Variants in MAL2 observed in about 807,000 individuals in gnomAD.
MAL2 encodes the protein protein MAL2.
Under a neutral mutation model 18.1 loss-of-function variants are expected in MAL2, and 17 were observed. The ratio of observed to expected loss-of-function variants is 0.94; its 90% confidence interval spans 0.64 to 1.41. The LOEUF is 1.41. Ranked by LOEUF, MAL2 falls within the 40% of genes most tolerant of loss-of-function variation. The pLI is 0.00. For missense variants in MAL2, 222 were observed against 231.9 expected (o/e 0.96, Z 0.28); for synonymous variants, 102 against 102.3 (o/e 1.00, Z 0.02).
intron 2 of MAL2, among the ~76,000 whole-genome samples, chr8:119,231,915 T>TA (rs1817738246): frequency 1.3e-5 from 2 of 152,002 alleles, no homozygotes; most frequent in South Asian, 4.1e-4. Flanking sequence ...GGGTATGGGG[T>TA]GATGGGGGAC....
At chr8:119,221,896 T>G (rs1817470990) in intron 2 of MAL2, 139 bp downstream of exon 2, 1 of 893,904 alleles carries the variant, frequency 1.1e-6, no homozygotes, top group East Asian at 2.6e-5. Context: ...GCTGTGGTGC[T>G]GCGGTGGTGT....
At chr8:119,236,952 C>T (rs1457765874) in intron 2 of MAL2, among the ~76,000 whole-genome samples, 1 of 150,280 alleles carries the variant, frequency 6.7e-6, no homozygotes, top group Non-Finnish European at 1.5e-5. Context: ...CAGAGCAGAA[C>T]TGAAGGAAAT....
chr8:119,233,393 T>C (rs1435483451), intron 2 of MAL2, among the ~76,000 whole-genome samples: 1 of 152,064 alleles, frequency 6.6e-6, no homozygotes, highest in Non-Finnish European at 1.5e-5. Context: ...CAGGAGCTGG[T>C]TTTTTGAAAG....
chr8:119,232,186 TAAA>T (rs995133827), intron 2 of MAL2, among the ~76,000 whole-genome samples: 2 of 152,074 alleles, frequency 1.3e-5, no homozygotes, highest in African/African-American at 4.8e-5. Flanking sequence ...TATAAATATT[TAAA>T]AACATGTACA....
Position 119,234,128 on chromosome 8 carries a change from G to A in MAL2, c.304-6037G>A, listed in dbSNP as rs562284380. Among the ~76,000 whole-genome samples the A allele has an allele frequency of 2.5e-4, 38 of 152,330 alleles. No individual in the cohort carries two copies. In the East Asian group the frequency reaches 2.7e-3, roughly 11 times the overall value. On this transcript the variant is annotated intron_variant, in intron 2 of 3. Coordinates refer to ENST00000614891, the MANE Select transcript of MAL2 (RefSeq NM_052886.3). The stretch of plus-strand genomic sequence containing the variant: ...CACCGTGCGCGAGCCGAAGCAGGGC[G>A]AGGCATTGCCTCACTTGGGAAGCGC...
intron 2 of MAL2, among the ~76,000 whole-genome samples, chr8:119,239,652 C>G (rs1181460285): frequency 1.3e-5 from 2 of 151,680 alleles, no homozygotes; most frequent in Admixed American, 6.6e-5. Flanking sequence ...TCATCATTCT[C>G]AGTAAACTAT....
At chr8:119,211,013 T>C (rs1217546621) in intron 1 of MAL2, among the ~76,000 whole-genome samples, 2 of 152,160 alleles carry the variant, frequency 1.3e-5, no homozygotes, top group Admixed American at 6.5e-5. Flanking sequence ...TTTAGAGATA[T>C]TGGTTTACAT....
intron 2 of MAL2, among the ~76,000 whole-genome samples, chr8:119,228,376 G>T (rs1020107180): frequency 2.0e-5 from 3 of 152,142 alleles, no homozygotes; most frequent in Admixed American, 2.0e-4. Context: ...ATTTCATCAG[G>T]TTATTAGAAG....
rs1165148696 is a variant in MAL2, at chr8:119,234,409, C to T, written c.304-5756C>T. 5.9e-5 allele frequency among the ~76,000 whole-genome samples: 9 copies of T among 152,316 alleles called. No individual in the cohort carries two copies. In the East Asian group the frequency reaches 9.7e-4, roughly 16 times the overall value. On this transcript the variant is annotated intron_variant, in intron 2 of 3. Coordinates refer to ENST00000614891, the MANE Select transcript of MAL2 (RefSeq NM_052886.3). ...GGGCGCCCGCCATTGCCCAGGCTTG[C>T]TTAGGTAAACAAAGCAGCCCGGAAG...
At chr8:119,213,373 T>C (rs61600037) in intron 1 of MAL2, among the ~76,000 whole-genome samples, 33,281 of 71,936 alleles carry the variant, frequency 0.46, 4,265 homozygotes, top group East Asian at 0.69. Context: ...ATAGAGTTTA[T>C]TGCCTGGAAA....
At chr8:119,229,987 C>T (rs1817682404) in intron 2 of MAL2, among the ~76,000 whole-genome samples, 1 of 152,172 alleles carries the variant, frequency 6.6e-6, no homozygotes, top group African/African-American at 2.4e-5. Context: ...CCCTTCCCAT[C>T]ACAAGGAGAC....
In MAL2 at chr8:119,208,429, G is replaced by GAGGCGGCGGCGGC. The variant is rs1400376256; in HGVS notation, c.-43_-31dup. ...GCAGGAGCCCGGGAGGCGGAGGCGG[G>GAGGCGGCGGCGGC]AGGCGGCGGCGGCGCGCGGAGACGC... On this transcript the variant is annotated 5_prime_UTR_variant, in exon 1 of 4. Coordinates refer to ENST00000614891, the MANE Select transcript of MAL2 (RefSeq NM_052886.3). This position sits in a 1 kb window ranked among gnomAD's most constrained non-coding sequence, Gnocchi z 4.3. 2.4e-5 allele frequency: 26 copies of GAGGCGGCGGCGGC among 1,094,684 alleles called. 1 individual carries two copies. In the East Asian group the frequency reaches 6.4e-4, roughly 27 times the overall value. The allele number at this position is 1,094,684 out of a possible 1,614,324, so 67.8% of individuals were successfully genotyped here.
chr8:119,208,648 C>T lies in MAL2; in HGVS notation c.132+44C>T. The T allele has an allele frequency of 7.9e-7, 1 of 1,268,842 alleles. No homozygotes were observed. The highest frequency in any genetic ancestry group is 9.9e-7 in the Non-Finnish European group (1 of 1,005,786). The allele number at this position is 1,268,842 out of a possible 1,614,324, so 78.6% of individuals were successfully genotyped here. On this transcript the variant is annotated intron_variant, in intron 1 of 3. Transcript: ENST00000614891. This position sits in a 1 kb window ranked among gnomAD's most constrained non-coding sequence, Gnocchi z 4.3. ...GCGAGGGTCGCGCGGGGAGCGAGGACAGGCGGCGGCATCCTTGTCCCCCGG... is the reference window on the plus strand; with the variant it reads ...GCGAGGGTCGCGCGGGGAGCGAGGATAGGCGGCGGCATCCTTGTCCCCCGG...
intron 2 of MAL2, among the ~76,000 whole-genome samples, chr8:119,238,956 C>T (rs1817980941): frequency 6.6e-6 from 1 of 151,612 alleles, no homozygotes; most frequent in African/African-American, 2.4e-5. Flanking sequence ...AGCTTCTGCA[C>T]AGCAAAAGAA....
In MAL2 at chr8:119,208,433, C is replaced by A; in HGVS notation, c.-40C>A. On this transcript the variant is annotated 5_prime_UTR_variant, in exon 1 of 4. Transcript: ENST00000614891. This position sits in a 1 kb window ranked among gnomAD's most constrained non-coding sequence, Gnocchi z 4.3. The stretch of plus-strand genomic sequence containing the variant: ...GAGCCCGGGAGGCGGAGGCGGGAGG[C>A]GGCGGCGGCGCGCGGAGACGCAGCA... The A allele has an allele frequency of 9.1e-7, 1 of 1,095,872 alleles. No individual in the cohort carries two copies. The highest frequency in any genetic ancestry group is 1.1e-6 in the Non-Finnish European group (1 of 890,836). The allele number at this position is 1,095,872 out of a possible 1,614,324, so 67.9% of individuals were successfully genotyped here.
At chr8:119,236,198 G>T (rs1817887619) in intron 2 of MAL2, among the ~76,000 whole-genome samples, 1 of 104,806 alleles carries the variant, frequency 9.5e-6, no homozygotes, top group Non-Finnish European at 1.9e-5. Context: ...AGACAAAGAA[G>T]GCCATTACAT....
In MAL2 at chr8:119,208,665, G is replaced by C. The variant is rs1587114936; in HGVS notation, c.132+61G>C. The stretch of plus-strand genomic sequence containing the variant: ...AGCGAGGACAGGCGGCGGCATCCTT[G>C]TCCCCCGGGCTGTCTTCCTCTGCGT... On this transcript the variant is annotated intron_variant, in intron 1 of 3. Transcript: ENST00000614891. The surrounding 1 kb of genome is among the most constrained non-coding windows in gnomAD (Gnocchi z 4.3). The C allele has an allele frequency of 8.0e-7, 1 of 1,247,252 alleles. No individual in the cohort carries two copies. Among genetic ancestry groups the C allele is most frequent in the Non-Finnish European group, 1.0e-6 (1 of 993,932 alleles). The allele number at this position is 1,247,252 out of a possible 1,614,324, so 77.3% of individuals were successfully genotyped here.
chr8:119,210,872 A>C (rs768792177), intron 1 of MAL2, among the ~76,000 whole-genome samples: 20 of 152,114 alleles, frequency 1.3e-4, no homozygotes, highest in Non-Finnish European at 2.6e-4. Flanking sequence ...CCTTTACTTG[A>C]ATATCAATCT....
intron 1 of MAL2, among the ~76,000 whole-genome samples, chr8:119,210,015 T>A (rs960538151): frequency 6.6e-6 from 1 of 152,188 alleles, no homozygotes; most frequent in African/African-American, 2.4e-5. Flanking sequence ...CTTTATTCCA[T>A]GTTCTGCAAG....
Sources: allele counts gnomAD v4.1 joint callset (sites outside exome capture counted in the v4.1 genomes callset), GRCh38; gene constraint gnomAD v4.1.1; non-coding constraint Gnocchi (gnomAD v3.1); transcripts MANE v1.5; gene names NCBI Gene and HGNC (gene_info 2026-07-23, HGNC 2026-07-21).